Variants in GDPD5 observed in about 807,000 individuals in gnomAD.
GDPD5 encodes glycerophosphodiester phosphodiesterase 2.
GDPD5 carries 48 observed loss-of-function variants against 75.1 expected under a neutral mutation model. The ratio of observed to expected loss-of-function variants is 0.64; its 90% CI spans 0.51 to 0.81. The LOEUF (loss-of-function observed/expected upper bound fraction) is 0.81, where lower values mean the gene tolerates loss of function less well. Among genes scored for constraint, GDPD5 ranks in the 40% least tolerant of loss-of-function variants. GDPD5 has a pLI of 0.00. For synonymous variants in GDPD5, 336 were observed against 339.0 expected, an observed-to-expected ratio of 0.99 and a Z score of 0.10; for missense variants, 706 against 822.6, an observed-to-expected ratio of 0.86 and a Z score of 1.73.
chr11:75,441,413 C>G (rs1215852397), intron 13 of GDPD5, 103 bp from the exon 14 acceptor site: 3 of 1,442,610 alleles, frequency 2.1e-6, no homozygotes, highest in Non-Finnish European at 2.9e-6. Flanking sequence ...CACAGCCATG[C>G]CCGGGGCAAG....
chr11:75,450,534 G>A (rs12417328), intron 6 of GDPD5: 18,499 of 156,516 alleles, frequency 0.12, 1,255 homozygotes, highest in African/African-American at 0.16. Context: ...GAAACACATC[G>A]CCACCTGCCC....
At position 75,440,049 on chromosome 11, in the gene GDPD5, C is replaced by G. The variant is rs1948744118; in HGVS notation, c.1474-88G>C. On this transcript the variant is annotated intron_variant, in intron 14 of 16. Coordinates refer to ENST00000336898, the MANE Select transcript of GDPD5 (RefSeq NM_030792.8). ...TGAGGGTCCGTGGACCAAAGGACCCCACATGGCCACTGGGGAAGGGCAAGG... is the reference window on the plus strand; with the variant it reads ...TGAGGGTCCGTGGACCAAAGGACCCGACATGGCCACTGGGGAAGGGCAAGG... 6 of 948,376 alleles carry G rather than the reference C, an allele frequency of 6.3e-6. No individual in the cohort carries two copies. The East Asian group carries it at 1.5e-4, about 24-fold the overall frequency. 58.7% of individuals were successfully genotyped at this position (948,376 alleles called of 1,614,324 possible).
At chr11:75,446,648 C>T (rs1281925512) in intron 9 of GDPD5, among the ~76,000 whole-genome samples, 1 of 152,202 alleles carries the variant, frequency 6.6e-6, no homozygotes, top group East Asian at 1.9e-4. Context: ...CATCCAGGGA[C>T]ACACAGACAG....
intron 16 of GDPD5, 27 bp downstream of exon 16, chr11:75,436,909 C>T (rs747252431): frequency 6.4e-7 from 1 of 1,567,594 alleles, no homozygotes; most frequent in Admixed American, 1.7e-5. Flanking sequence ...CCAGGGCCTG[C>T]CTCCACCTGT....
At chr11:75,467,114 C>A (rs1949532756) in intron 3 of GDPD5, among the ~76,000 whole-genome samples, 1 of 152,204 alleles carries the variant, frequency 6.6e-6, no homozygotes, top group South Asian at 2.1e-4. Flanking sequence ...CCTGCACAGA[C>A]TCTTGGCACC....
intron 6 of GDPD5, chr11:75,455,377 A>G (rs1949263527): frequency 2.2e-6 from 1 of 456,474 alleles, no homozygotes; most frequent in Admixed American, 2.3e-5. Flanking sequence ...TGAGGGCAGG[A>G]GGAAGGTGGG....
intron 16 of GDPD5, among the ~76,000 whole-genome samples, chr11:75,436,012 T>G (rs981422091): frequency 6.6e-6 from 1 of 152,154 alleles, no homozygotes; most frequent in Non-Finnish European, 1.5e-5. Context: ...TCAAGTCTTC[T>G]CATCTGTCAC....
At chr11:75,510,256 C>T (rs2135481788) in intron 1 of GDPD5, among the ~76,000 whole-genome samples, 2 of 152,360 alleles carry the variant, frequency 1.3e-5, no homozygotes, top group South Asian at 4.1e-4. Flanking sequence ...CCTGCACAAG[C>T]ATCCAGAACT....
rs1441450254 is a variant in GDPD5, at chr11:75,434,813, A to C, written c.*694T>G. On this transcript the variant is annotated 3_prime_UTR_variant, in exon 17 of 17. Coordinates refer to ENST00000336898, the MANE Select transcript of GDPD5 (RefSeq NM_030792.8). ...ACATCAGTCTGTGGACTCCTGGGTTAGGTGACCCTTCTGCCTTGAGGTCTG... is the reference window on the plus strand; with the variant it reads ...ACATCAGTCTGTGGACTCCTGGGTTCGGTGACCCTTCTGCCTTGAGGTCTG... 2.0e-5 allele frequency: 3 copies of C among 152,346 alleles called. No individual in the cohort carries two copies. Among genetic ancestry groups the C allele is most frequent in the Non-Finnish European group, 4.4e-5 (3 of 68,118 alleles). 9.4% of individuals were successfully genotyped at this position (152,346 alleles called of 1,614,324 possible). A position where few individuals can be genotyped will look rare whatever the true frequency, so the allele number is the denominator to read the frequency against.
intron 2 of GDPD5, among the ~76,000 whole-genome samples, chr11:75,487,530 A>T (rs1950040918): frequency 6.6e-6 from 1 of 152,250 alleles, no homozygotes; most frequent in Non-Finnish European, 1.5e-5. Flanking sequence ...GCTGGGGCTC[A>T]GCCAGAGCCT....
intron 16 of GDPD5, among the ~76,000 whole-genome samples, chr11:75,435,893 C>G (rs1187251375): frequency 6.6e-6 from 1 of 152,228 alleles, no homozygotes; most frequent in African/African-American, 2.4e-5. Context: ...ACCACCTGTG[C>G]CCCTGAGCTT....
At chr11:75,506,887 G>T in intron 1 of GDPD5, 1 of 152,376 alleles carries the variant, frequency 6.6e-6, no homozygotes. Context: ...CGGAATGCTG[G>T]GCTCTAGAGT....
chr11:75,510,537 C>T (rs1186350236), intron 1 of GDPD5, among the ~76,000 whole-genome samples: 2 of 152,216 alleles, frequency 1.3e-5, no homozygotes, highest in Non-Finnish European at 2.9e-5. Flanking sequence ...CCCTCTGCTC[C>T]CACATCCACA....
chr11:75,480,333 A>G (rs1949881860), intron 2 of GDPD5, among the ~76,000 whole-genome samples: 1 of 152,050 alleles, frequency 6.6e-6, no homozygotes, highest in Admixed American at 6.6e-5. Flanking sequence ...ATCTCAAAAA[A>G]AAAAAAAAAG....
At chr11:75,450,108 G>C in intron 6 of GDPD5, 125 bp from the exon 7 acceptor site, 1 of 717,648 alleles carries the variant, frequency 1.4e-6, no homozygotes, top group Admixed American at 2.6e-5. Context: ...GGGCAGAGGG[G>C]AGGGAGGAAA....
intron 1 of GDPD5, among the ~76,000 whole-genome samples, chr11:75,505,348 C>T (rs192406545): frequency 3.9e-4 from 60 of 152,146 alleles, no homozygotes; most frequent in Non-Finnish European, 7.5e-4. Flanking sequence ...CCAGCCCCAC[C>T]CCCAGCCCTC....
rs763082073 is a variant in GDPD5, at chr11:75,444,438, C to T, written c.772G>A (p.Gly258Arg). 14 of 1,613,554 alleles carry T rather than the reference C, an allele frequency of 8.7e-6. No individual in the cohort carries two copies. The highest frequency in any genetic ancestry group is 4.4e-5 in the South Asian group (4 of 91,076). The change falls in exon 10 of 17, where the codon GGG becomes AGG. Residue 258 changes from glycine (G) to arginine (R), a missense_variant. Transcript: ENST00000336898. Reference sequence around the variant, plus strand: ...CTGATGGTAATGTCAGCCTGGAGCCCGTACAGCTTCTGCTCGAGGGCCTTC... The same window carrying T: ...CTGATGGTAATGTCAGCCTGGAGCCTGTACAGCTTCTGCTCGAGGGCCTTC... Reference protein sequence around the residue: ...FRKALEQKLYGLQADITISLD... With the variant: ...FRKALEQKLYRLQADITISLD...
chr11:75,436,157 C>A (rs1948619777), intron 16 of GDPD5, among the ~76,000 whole-genome samples: 1 of 152,176 alleles, frequency 6.6e-6, no homozygotes, highest in South Asian at 2.1e-4. Context: ...CCTCAAGGAC[C>A]AGGGTGGGTT....
intron 16 of GDPD5, 48 bp from the exon 17 acceptor site, chr11:75,435,703 G>A (rs193179784): frequency 2.5e-4 from 383 of 1,543,532 alleles, no homozygotes; most frequent in African/African-American, 2.4e-3. Flanking sequence ...GGAGGCAGTC[G>A]TGAGGATGGG....
Sources: allele counts gnomAD v4.1 joint callset (sites outside exome capture counted in the v4.1 genomes callset), GRCh38; gene constraint gnomAD v4.1.1; transcripts MANE v1.5; gene names NCBI Gene and HGNC (gene_info 2026-07-23, HGNC 2026-07-21).